ZNF317: variants seen among roughly 807,000 people sequenced by gnomAD.
The protein encoded by ZNF317 is zinc finger protein 317, also known as KRAB-containing zinc finger protein 317.
ZNF317 carries 17 observed loss-of-function variants against 23.4 expected under a neutral mutation model. That is an observed-to-expected ratio of 0.73 (90% CI 0.50 to 1.09). ZNF317 has a LOEUF of 1.09. ZNF317 is among the 50% of genes least tolerant of loss of function. ZNF317 has a pLI of 0.00. For missense variants in ZNF317, 679 were observed against 796.7 expected (o/e 0.85, Z 1.78); for synonymous variants, 317 against 314.9 (o/e 1.01, Z -0.07).
chr19:9,160,535 T>TG lies in ZNF317; in HGVS notation c.891dup (p.Arg298AlafsTer12). On this transcript the variant is annotated frameshift_variant, in exon 7 of 7. Coordinates refer to ENST00000247956, the MANE Select transcript of ZNF317 (RefSeq NM_020933.5). LOFTEE classifies it low-confidence loss of function (END_TRUNC). This position sits in a 1 kb window ranked among gnomAD's most constrained non-coding sequence, Gnocchi z 6.8. The stretch of plus-strand genomic sequence containing the variant: ...ACCCTCTCGGCCCTGAAAATCCACA[T>TG]GCGAGTTCACACTGGCGAGAGGCCT... 1 of 1,614,160 alleles carries TG rather than the reference T, an allele frequency of 6.2e-7. No homozygotes were observed. The highest frequency in any genetic ancestry group is 8.5e-7 in the Non-Finnish European group (1 of 1,180,042).
rs370010576 is a variant in ZNF317, at chr19:9,158,957, G to T, written c.468+49G>T. 23 of 1,313,140 alleles carry T rather than the reference G, an allele frequency of 1.8e-5. No homozygotes were observed. In the African/African-American group the frequency reaches 2.9e-4, roughly 17 times the overall value. 81.3% of individuals were successfully genotyped at this position (1,313,140 alleles called of 1,614,324 possible). ...TGGATCTTCCTTCCACGTCTGAGGA[G>T]ACTGGGGCAGCCTAGGTTAGAAAAG... On this transcript the variant is annotated intron_variant, in intron 6 of 6. Coordinates refer to ENST00000247956, the MANE Select transcript of ZNF317 (RefSeq NM_020933.5).
At chr19:9,158,497 G>A (rs530124766) in intron 5 of ZNF317, among the ~76,000 whole-genome samples, 2 of 146,484 alleles carry the variant, frequency 1.4e-5, no homozygotes, top group South Asian at 2.2e-4. Context: ...ATGCCGCCAT[G>A]CCTACCTAAT....
chr19:9,153,352 G>A lies in ZNF317; in HGVS notation c.-92-2573G>A, dbSNP rs543502166. 1.1e-4 allele frequency among the ~76,000 whole-genome samples: 16 copies of A among 152,128 alleles called. No homozygotes were observed. The East Asian group carries it at 2.5e-3, about 24-fold the overall frequency. On this transcript the variant is annotated intron_variant, in intron 1 of 6. Transcript: ENST00000247956. Reference sequence around the variant, plus strand: ...AATTCTTTGTATTTTTAGTAGAGACGGGGTTTCTCCATGTTGGTCAGGCTG... The same window carrying A: ...AATTCTTTGTATTTTTAGTAGAGACAGGGTTTCTCCATGTTGGTCAGGCTG...
At chr19:9,158,215 C>G in intron 5 of ZNF317, 140 bp downstream of exon 5, 2 of 1,154,208 alleles carry the variant, frequency 1.7e-6, no homozygotes, top group Non-Finnish European at 1.2e-6. Context: ...CATTCTCTGA[C>G]AAATCTTTTG....
At chr19:9,140,916 TG>T (rs2050623227) in intron 1 of ZNF317, among the ~76,000 whole-genome samples, 1 of 152,168 alleles carries the variant, frequency 6.6e-6, no homozygotes, top group Admixed American at 6.6e-5. Flanking sequence ...CGTCAGGATT[TG>T]GACATCGCGA....
At chr19:9,156,841 A>G (rs771475963) in intron 3 of ZNF317, 93 bp downstream of exon 3, 18 of 1,470,478 alleles carry the variant, frequency 1.2e-5, no homozygotes, top group Non-Finnish European at 1.6e-5. Context: ...GCTTCATCTC[A>G]GCCAGTGGAT....
intron 3 of ZNF317, 57 bp downstream of exon 3, chr19:9,156,805 C>A: frequency 4.4e-6 from 7 of 1,579,594 alleles, no homozygotes; most frequent in Non-Finnish European, 4.3e-6. Context: ...GAAGACCCCA[C>A]CAGTGCATGC....
intron 6 of ZNF317, among the ~76,000 whole-genome samples, chr19:9,159,738 C>T (rs1175613877): frequency 2.0e-5 from 3 of 151,414 alleles, no homozygotes; most frequent in Non-Finnish European, 4.4e-5. Flanking sequence ...GTAGAGACAG[C>T]GTTTCACCAT....
At chr19:9,149,471 CAAAAG>C (rs917734792) in intron 1 of ZNF317, among the ~76,000 whole-genome samples, 5 of 151,894 alleles carry the variant, frequency 3.3e-5, no homozygotes, top group Non-Finnish European at 7.4e-5. Context: ...GACTCCATCT[CAAAAG>C]AAAAGAAAAG....
chr19:9,157,582 T>G (rs772527995), intron 4 of ZNF317, 188 bp downstream of exon 4: 6 of 746,626 alleles, frequency 8.0e-6, no homozygotes, highest in Non-Finnish European at 1.2e-5. Flanking sequence ...ATGGTGGTTC[T>G]CCGGTGTGTG....
At chr19:9,143,652 A>G (rs1178480429) in intron 1 of ZNF317, among the ~76,000 whole-genome samples, 1 of 90,782 alleles carries the variant, frequency 1.1e-5, no homozygotes, top group East Asian at 2.7e-4. Context: ...ATCATGTTCA[A>G]TCTGCACATA....
At chr19:9,150,330 C>T (rs1024868314) in intron 1 of ZNF317, among the ~76,000 whole-genome samples, 1 of 152,132 alleles carries the variant, frequency 6.6e-6, no homozygotes, top group African/African-American at 2.4e-5. Flanking sequence ...GTTTACTGAG[C>T]CTATAGAGTT....
At chr19:9,150,217 C>T (rs1314102827) in intron 1 of ZNF317, among the ~76,000 whole-genome samples, 5 of 152,086 alleles carry the variant, frequency 3.3e-5, no homozygotes, top group South Asian at 2.1e-4. Flanking sequence ...TGCCAGGGAG[C>T]GGAGAGTGGC....
At chr19:9,141,792 G>A (rs1320212099) in intron 1 of ZNF317, among the ~76,000 whole-genome samples, 6 of 151,974 alleles carry the variant, frequency 3.9e-5, no homozygotes, top group Admixed American at 3.9e-4. Flanking sequence ...TCAATAAAGT[G>A]TTTTTTGTTG....
chr19:9,160,061 G>A lies in ZNF317; in HGVS notation c.469-53G>A. On this transcript the variant is annotated intron_variant, in intron 6 of 6. Transcript: ENST00000247956. This position sits in a 1 kb window ranked among gnomAD's most constrained non-coding sequence, Gnocchi z 6.8. ...AGTGTATGTGGGGATGACGCTTAGG[G>A]TTGCAATGAATATGAGAATTGCCTT... The A allele has an allele frequency of 1.2e-6, 2 of 1,606,008 alleles. No individual in the cohort carries two copies. The highest frequency in any genetic ancestry group is 2.2e-5 in the South Asian group (2 of 89,824).
At chr19:9,158,379 T>C (rs1214575979) in intron 5 of ZNF317, among the ~76,000 whole-genome samples, 1 of 130,170 alleles carries the variant, frequency 7.7e-6, no homozygotes, top group Non-Finnish European at 1.6e-5. Flanking sequence ...TTTTTTTTTT[T>C]TTTTTTTTTT....
chr19:9,158,331 A>ACAT (rs1238744583), intron 5 of ZNF317, among the ~76,000 whole-genome samples: 1 of 145,048 alleles, frequency 6.9e-6, no homozygotes, highest in African/African-American at 2.6e-5. Flanking sequence ...GTCATTATCA[A>ACAT]CATCATCTGA....
In ZNF317 at chr19:9,161,875, G is replaced by A. The variant is rs1221008847; in HGVS notation, c.*442G>A. On this transcript the variant is annotated 3_prime_UTR_variant, in exon 7 of 7. Transcript: ENST00000247956. This position sits in a 1 kb window ranked among gnomAD's most constrained non-coding sequence, Gnocchi z 4.0. ...CTAGTCTCACTTGATTCCTCATGAC[G>A]GAAATCACACTAAAGAGAGAAATCA... 1.9e-5 allele frequency: 3 copies of A among 160,178 alleles called. No homozygotes were observed. Among genetic ancestry groups the A allele is most frequent in the African/African-American group, 4.8e-5 (2 of 41,552 alleles). 9.9% of individuals were successfully genotyped at this position (160,178 alleles called of 1,614,324 possible).
chr19:9,161,305 G>A lies in ZNF317; in HGVS notation c.1660G>A (p.Gly554Arg), dbSNP rs1319020320. The A allele has an allele frequency of 3.7e-6, 6 of 1,613,814 alleles. No homozygotes were observed. Among genetic ancestry groups the A allele is most frequent in the Non-Finnish European group, 5.1e-6 (6 of 1,179,884 alleles). ...NLNVHRRIHTGEKPYECLVCG... is the reference protein window; with the variant it reads ...NLNVHRRIHTREKPYECLVCG... ...GAATGTGCACAGGCGGATCCACACC[G>A]GGGAGAAGCCCTACGAATGCCTTGT... The change falls in exon 7 of 7, where the codon GGG becomes AGG. Residue 554 changes from glycine (G) to arginine (R), a missense_variant. Gly to Arg is a moderately radical substitution (Grantham distance 125, BLOSUM62 -2). Transcript: ENST00000247956. This position sits in a 1 kb window ranked among gnomAD's most constrained non-coding sequence, Gnocchi z 4.0.
Sources: gnomAD v4.1 joint callset for allele counts (sites outside exome capture counted in the v4.1 genomes callset) on GRCh38, gnomAD v4.1.1 for gene constraint, Gnocchi (gnomAD v3.1) non-coding constraint, MANE v1.5 for transcripts, NCBI Gene and HGNC (gene_info 2026-07-23, HGNC 2026-07-21) for gene names.